Variants in GULP1 observed in about 807,000 individuals in gnomAD.
The protein encoded by GULP1 is GULP PTB domain containing engulfment adaptor 1.
Under a neutral mutation model 40.9 loss-of-function variants are expected in GULP1, and 19 were observed. That is an observed-to-expected ratio of 0.46 (90% confidence interval 0.32 to 0.68). The LOEUF is 0.68. Among genes scored for constraint, GULP1 ranks in the 30% least tolerant of loss-of-function variants. GULP1 has a pLI of 0.03. For missense variants in GULP1, 312 were observed against 362.2 expected, an observed-to-expected ratio of 0.86 and a Z score of 1.12; for synonymous variants, 119 against 117.6, an observed-to-expected ratio of 1.01 and a Z score of -0.08.
At chr2:188,482,637 G>GA (rs2061527006) in intron 3 of GULP1, among the ~76,000 whole-genome samples, 1 of 151,458 alleles carries the variant, frequency 6.6e-6, no homozygotes, top group Non-Finnish European at 1.5e-5. Context: ...AAATATTGGG[G>GA]AAAATATGTG....
At chr2:188,432,665 A>G (rs1010427463) in intron 2 of GULP1, among the ~76,000 whole-genome samples, 5 of 152,140 alleles carry the variant, frequency 3.3e-5, no homozygotes, top group African/African-American at 1.2e-4. Flanking sequence ...ATAAATTCAG[A>G]AAAAAATGTA....
At chr2:188,397,279 G>A (rs745795130) in intron 2 of GULP1, among the ~76,000 whole-genome samples, 4 of 152,126 alleles carry the variant, frequency 2.6e-5, no homozygotes, top group South Asian at 4.1e-4. Flanking sequence ...GAGTAGGTAC[G>A]TTTTTTACAA....
At chr2:188,493,483 C>A (rs2062607900) in intron 4 of GULP1, among the ~76,000 whole-genome samples, 1 of 151,974 alleles carries the variant, frequency 6.6e-6, no homozygotes, top group Non-Finnish European at 1.5e-5. Context: ...TTTCTACTCC[C>A]CTTGGGAAGT....
intron 1 of GULP1, among the ~76,000 whole-genome samples, chr2:188,374,801 C>T (rs1242253488): frequency 1.3e-5 from 2 of 150,094 alleles, no homozygotes; most frequent in Non-Finnish European, 3.0e-5. Context: ...GGTGCTATTA[C>T]CAGAATATTT....
chr2:188,550,108 A>C (rs1443996451), intron 7 of GULP1, among the ~76,000 whole-genome samples: 3 of 151,724 alleles, frequency 2.0e-5, no homozygotes, highest in Admixed American at 1.3e-4. Flanking sequence ...AGGATACACA[A>C]GATCTCTCTG....
intron 4 of GULP1, among the ~76,000 whole-genome samples, chr2:188,483,784 C>G (rs188629784): frequency 6.6e-6 from 1 of 152,154 alleles, no homozygotes; most frequent in African/African-American, 2.4e-5. Flanking sequence ...ACTCAAACCA[C>G]TAACAAATTA....
At chr2:188,384,270 G>C (rs934345050) in intron 2 of GULP1, 7 of 152,218 alleles carry the variant, frequency 4.6e-5, no homozygotes, top group African/African-American at 1.4e-4. Flanking sequence ...TAATCATGGA[G>C]GAAGGTGAAA....
At chr2:188,346,194 G>A (rs75950107) in intron 1 of GULP1, among the ~76,000 whole-genome samples, 2 of 152,196 alleles carry the variant, frequency 1.3e-5, no homozygotes, top group East Asian at 3.9e-4. Context: ...CTTCTATTAA[G>A]ATGATATGGC....
intron 3 of GULP1, among the ~76,000 whole-genome samples, chr2:188,480,213 G>C (rs1393442358): frequency 2.0e-5 from 3 of 151,950 alleles, no homozygotes; most frequent in African/African-American, 7.2e-5. Flanking sequence ...GGATAAGCTG[G>C]AGCCATAAGC....
At chr2:188,331,988 G>A (rs986823686) in intron 1 of GULP1, among the ~76,000 whole-genome samples, 1 of 152,056 alleles carries the variant, frequency 6.6e-6, no homozygotes, top group African/African-American at 2.4e-5. Context: ...TTTTGTAGAA[G>A]GTAGAGATTT....
intron 3 of GULP1, among the ~76,000 whole-genome samples, chr2:188,481,152 T>C (rs577313257): frequency 1.3e-5 from 2 of 152,068 alleles, no homozygotes; most frequent in Admixed American, 1.3e-4. Flanking sequence ...GTCTTCAATT[T>C]TGAGTTAGTG....
At position 188,349,130 on chromosome 2, in the gene GULP1, A is replaced by G. The variant is rs181614080; in HGVS notation, c.-171-34633A>G. 3.0e-3 allele frequency among the ~76,000 whole-genome samples: 456 copies of G among 152,298 alleles called. 2 individuals are homozygous for G. Among genetic ancestry groups the G allele is most frequent in the East Asian group, 0.01 (53 of 5,186 alleles). Reference sequence around the variant, plus strand: ...TACAAATGCATCATTTTAATGTATCATGTTCTGTTTATGCATTCATTGGTT... The same window carrying G: ...TACAAATGCATCATTTTAATGTATCGTGTTCTGTTTATGCATTCATTGGTT... On this transcript the variant is annotated intron_variant, in intron 1 of 11. Coordinates refer to ENST00000409830, the MANE Select transcript of GULP1 (RefSeq NM_016315.4).
At chr2:188,524,769 T>A (rs1685739081) in intron 5 of GULP1, among the ~76,000 whole-genome samples, 1 of 151,698 alleles carries the variant, frequency 6.6e-6, no homozygotes, top group South Asian at 2.1e-4. Context: ...TGCTCTTTGA[T>A]CATACTTACA....
chr2:188,448,201 C>T lies in GULP1; in HGVS notation c.-44-29458C>T, dbSNP rs554882117. 2.0e-5 allele frequency among the ~76,000 whole-genome samples: 3 copies of T among 152,270 alleles called. No homozygotes were observed. The South Asian group carries it at 6.2e-4, about 32-fold the overall frequency. On this transcript the variant is annotated intron_variant, in intron 2 of 11. Coordinates refer to ENST00000409830, the MANE Select transcript of GULP1 (RefSeq NM_016315.4). ...TGACAAAGTTTACATAGATAATAGA[C>T]AACAAGTGTAAAAGCAGAGTTGTTA...
At chr2:188,569,715 C>T (rs1041230892) in intron 8 of GULP1, 4 of 351,538 alleles carry the variant, frequency 1.1e-5, no homozygotes, top group African/African-American at 2.2e-5. Context: ...TCAAAATCAT[C>T]ATAAGCAAGT....
intron 11 of GULP1, chr2:188,589,489 G>T: frequency 3.4e-6 from 1 of 297,278 alleles, no homozygotes; most frequent in East Asian, 5.4e-5. Flanking sequence ...TTATTCTCAA[G>T]GGTTGCACAG....
chr2:188,440,938 A>T (rs6434279), intron 2 of GULP1, among the ~76,000 whole-genome samples: 116,835 of 152,058 alleles, frequency 0.77, 45,738 homozygotes, highest in East Asian at 0.95. Flanking sequence ...CTTTATTCTC[A>T]GCTCAGAATG....
chr2:188,494,854 G>T (rs572942453), intron 4 of GULP1, among the ~76,000 whole-genome samples: 2 of 151,330 alleles, frequency 1.3e-5, no homozygotes, highest in South Asian at 4.2e-4. Context: ...TCTCCTCAGG[G>T]GCTCTGTCTT....
chr2:188,367,292 G>A (rs1468928655), intron 1 of GULP1, among the ~76,000 whole-genome samples: 1 of 152,192 alleles, frequency 6.6e-6, no homozygotes, highest in Non-Finnish European at 1.5e-5. Context: ...ATGGTTAGGG[G>A]AGCAGGCCAG....
Sources: gnomAD v4.1 joint callset for allele counts (sites outside exome capture counted in the v4.1 genomes callset) on GRCh38, gnomAD v4.1.1 for gene constraint, MANE v1.5 for transcripts, NCBI Gene and HGNC (gene_info 2026-07-23, HGNC 2026-07-21) for gene names.